The following CAPN5 variants were observed in gnomAD, a reference collection of about 807,000 sequenced individuals.
The protein encoded by CAPN5 is calpain-5.
Under a neutral mutation model 73.0 loss-of-function variants are expected in CAPN5, and 54 were observed. The ratio of observed to expected loss-of-function variants is 0.74; its 90% confidence interval spans 0.59 to 0.93. The LOEUF (loss-of-function observed/expected upper bound fraction) is 0.93, where lower values mean the gene tolerates loss of function less well. Among genes scored for constraint, CAPN5 ranks in the 40% least tolerant of loss-of-function variants. The pLI, the probability that CAPN5 is intolerant of heterozygous loss-of-function variation, is 0.00. For synonymous variants in CAPN5, 335 were observed against 356.9 expected, an observed-to-expected ratio of 0.94 and a Z score of 0.69; for missense variants, 785 against 882.9, an observed-to-expected ratio of 0.89 and a Z score of 1.41.
At chr11:77,106,855 C>T (rs1488351162) in intron 3 of CAPN5, among the ~76,000 whole-genome samples, 1 of 152,238 alleles carries the variant, frequency 6.6e-6, no homozygotes, top group Non-Finnish European at 1.5e-5. Context: ...GAGGGGTGGG[C>T]AGGAACCTGG....
At chr11:77,077,825 A>AT (rs1280510856) in intron 1 of CAPN5, among the ~76,000 whole-genome samples, 1 of 152,104 alleles carries the variant, frequency 6.6e-6, no homozygotes, top group Admixed American at 6.5e-5. Flanking sequence ...AATGTTGAGC[A>AT]TTTTTTTCAT....
At chr11:77,083,841 C>T (rs1555034965) in intron 1 of CAPN5, among the ~76,000 whole-genome samples, 2 of 152,204 alleles carry the variant, frequency 1.3e-5, no homozygotes, top group African/African-American at 4.8e-5. Context: ...CTGGGGCTGG[C>T]ACTCACACCA....
rs530280060 is a variant in CAPN5, at chr11:77,103,449, C to T, written c.298-9140C>T. ...CGCTGCTCAGCCTGTCCTCTGCTTGCCCAGAGGCCCCCTGAGTCCCACACC... is the reference window on the plus strand; with the variant it reads ...CGCTGCTCAGCCTGTCCTCTGCTTGTCCAGAGGCCCCCTGAGTCCCACACC... On this transcript the variant is annotated intron_variant, in intron 3 of 12. Coordinates refer to ENST00000648180, the MANE Select transcript of CAPN5 (RefSeq NM_004055.5). 6 of 1,222,614 alleles carry T rather than the reference C, an allele frequency of 4.9e-6. 1 individual carries two copies. In the South Asian group the frequency reaches 8.7e-5, roughly 18 times the overall value. The allele number at this position is 1,222,614 out of a possible 1,614,324, so 75.7% of individuals were successfully genotyped here. A position where few individuals can be genotyped will look rare whatever the true frequency, so the allele number is the denominator to read the frequency against.
intron 2 of CAPN5, among the ~76,000 whole-genome samples, chr11:77,090,936 G>A (rs948977): frequency 2.0e-5 from 3 of 152,050 alleles, no homozygotes; most frequent in Admixed American, 2.0e-4. Context: ...ACGGGGTGCC[G>A]TTGGGGATGG....
At chr11:77,102,983 A>G in intron 3 of CAPN5, 2 of 1,613,408 alleles carry the variant, frequency 1.2e-6, no homozygotes, top group East Asian at 4.5e-5. Context: ...TGCTGCAGCC[A>G]GCGGAGTCTG....
rs573539512 is a variant in CAPN5 at position 77,101,637 on chromosome 11, G to A, written c.297+7824G>A. Among the ~76,000 whole-genome samples the A allele has an allele frequency of 4.6e-5, 7 of 152,268 alleles. No homozygotes were observed. The South Asian group carries it at 1.0e-3, about 23-fold the overall frequency. On this transcript the variant is annotated intron_variant, in intron 3 of 12. Coordinates refer to ENST00000648180, the MANE Select transcript of CAPN5 (RefSeq NM_004055.5). ...ATTAGCCACCATCTCACAATTGACC[G>A]TGCTTGTGGTCCACTAGACCCTTCA...
rs969046896 is a variant in CAPN5 at position 77,084,989 on chromosome 11, A to G, written c.103A>G (p.Thr35Ala). The G allele has an allele frequency of 3.7e-6, 6 of 1,613,814 alleles. No individual in the cohort carries two copies. Among genetic ancestry groups the G allele is most frequent in the Non-Finnish European group, 5.1e-6 (6 of 1,180,024 alleles). Residue 35 changes from threonine to alanine, a missense_variant, in exon 2 of 13, where the codon ACT becomes GCT. By Grantham distance (58) the Thr-to-Ala change is moderately conservative (BLOSUM62 0). Coordinates refer to ENST00000648180, the MANE Select transcript of CAPN5 (RefSeq NM_004055.5). ...VLFEDPLFPA[T>A]DDSLYYKGTP... is the part of the protein sequence containing the mutation. The stretch of plus-strand genomic sequence containing the variant: ...CTTCGAGGACCCCCTCTTCCCCGCC[A>G]CTGACGACTCACTCTACTATAAGGG...
chr11:77,084,711 C>T, intron 1 of CAPN5, 141 bp from the exon 2 acceptor site: 2 of 693,174 alleles, frequency 2.9e-6, no homozygotes, highest in Non-Finnish European at 5.1e-6. Context: ...CTGCTGTATA[C>T]CAGCTGTGTG....
chr11:77,094,859 A>G (rs1950191437), intron 3 of CAPN5, among the ~76,000 whole-genome samples: 1 of 152,246 alleles, frequency 6.6e-6, no homozygotes, highest in African/African-American at 2.4e-5. Context: ...GATAATTAAT[A>G]TCATAGAACA....
At chr11:77,090,509 C>G (rs1950138176) in intron 2 of CAPN5, among the ~76,000 whole-genome samples, 1 of 152,206 alleles carries the variant, frequency 6.6e-6, no homozygotes, top group Non-Finnish European at 1.5e-5. Flanking sequence ...AGACCTAGGG[C>G]ATCCCATCGG....
rs1555043561 is a variant in CAPN5 at position 77,124,724 on chromosome 11, GC to G, written c.*856del. The G allele has an allele frequency of 6.6e-6, 1 of 152,372 alleles. No individual in the cohort carries two copies. 9.4% of individuals were successfully genotyped at this position (152,372 alleles called of 1,614,324 possible). The stretch of plus-strand genomic sequence containing the variant: ...TGGGCCAGGGGCCAGGCAGCTGGGG[GC>G]CTTTGGGGACCAGAAGGGGAGATGT... On this transcript the variant is annotated 3_prime_UTR_variant, in exon 13 of 13. Transcript: ENST00000648180.
chr11:77,084,914 G>A lies in CAPN5; in HGVS notation c.28G>A (p.Asp10Asn). MFSCVKPYEDQNYSALRRDC... is the reference protein window; with the variant it reads MFSCVKPYENQNYSALRRDC... ...GTTCTCGTGTGTGAAGCCCTATGAG[G>A]ACCAGAACTACTCAGCCCTGAGGCG... is the stretch of plus-strand genomic sequence containing the variant. Residue 10 changes from aspartate (D) to asparagine (N), a missense_variant, in exon 2 of 13, where the codon GAC becomes AAC. Coordinates refer to ENST00000648180, the MANE Select transcript of CAPN5 (RefSeq NM_004055.5). 2 of 1,614,076 alleles carry A rather than the reference G, an allele frequency of 1.2e-6. No individual in the cohort carries two copies. Among genetic ancestry groups the A allele is most frequent in the Non-Finnish European group, 1.7e-6 (2 of 1,180,024 alleles).
intron 1 of CAPN5, among the ~76,000 whole-genome samples, chr11:77,083,769 G>GA (rs1490945922): frequency 6.6e-6 from 1 of 152,206 alleles, no homozygotes; most frequent in Non-Finnish European, 1.5e-5. Context: ...ACTGAGATGA[G>GA]AAAACGGGCT....
chr11:77,093,600 T>TCTC, intron 2 of CAPN5, 82 bp from the exon 3 acceptor site: 3 of 1,418,780 alleles, frequency 2.1e-6, no homozygotes, highest in East Asian at 2.6e-5. Flanking sequence ...GTCTGTCACG[T>TCTC]CTGTGTCTGT....
chr11:77,123,589 A>G (rs1024581490), intron 12 of CAPN5, 99 bp from the exon 13 acceptor site: 163 of 1,002,272 alleles, frequency 1.6e-4, no homozygotes, highest in Non-Finnish European at 2.4e-4. Flanking sequence ...CCAGGCTTGC[A>G]CTTCAAGGCC....
In CAPN5 at chr11:77,119,083, G is replaced by T; in HGVS notation, c.1221G>T (p.Gln407His). 6.2e-7 allele frequency: 1 copy of T among 1,614,104 alleles called. No homozygotes were observed. ...ATGAAGTCCTGATCTGCATCCAGCAGCGGCCAAAGCGGTCTACGCGCCGGG... is the reference window on the plus strand; with the variant it reads ...ATGAAGTCCTGATCTGCATCCAGCATCGGCCAAAGCGGTCTACGCGCCGGG... Reference protein sequence around the residue: ...PEDEVLICIQQRPKRSTRREG... With the variant: ...PEDEVLICIQHRPKRSTRREG... Residue 407 changes from glutamine to histidine, a missense_variant, in exon 9 of 13, where the codon CAG (glutamine) becomes CAT (histidine). Physicochemically the swap from Gln to His is conservative, Grantham distance 24. Transcript: ENST00000648180.
chr11:77,122,947 A>G (rs1388909501), intron 12 of CAPN5, among the ~76,000 whole-genome samples: 5 of 152,216 alleles, frequency 3.3e-5, no homozygotes, highest in African/African-American at 9.6e-5. Context: ...AGCAGGGTCC[A>G]TCTCCTGGCT....
intron 3 of CAPN5, among the ~76,000 whole-genome samples, chr11:77,109,608 G>A (rs1950390587): frequency 6.6e-6 from 1 of 152,148 alleles, no homozygotes; most frequent in Non-Finnish European, 1.5e-5. Context: ...GGCTTCCTTG[G>A]TTTCCGGCGT....
intron 1 of CAPN5, among the ~76,000 whole-genome samples, chr11:77,081,547 TAC>T (rs1452586395): frequency 6.6e-6 from 1 of 152,238 alleles, no homozygotes; most frequent in Non-Finnish European, 1.5e-5. Flanking sequence ...CATGAAAGGA[TAC>T]AGAGTGCTGC....
Sources: allele counts gnomAD v4.1 joint callset (sites outside exome capture counted in the v4.1 genomes callset), GRCh38; gene constraint gnomAD v4.1.1; transcripts MANE v1.5; gene names NCBI Gene and HGNC (gene_info 2026-07-23, HGNC 2026-07-21).